Variants in NOVA1 observed in about 807,000 individuals in gnomAD.
The protein encoded by NOVA1 is NOVA alternative splicing regulator 1.
Under a neutral mutation model 38.0 loss-of-function variants are expected in NOVA1, and 7 were observed. The observed-to-expected ratio is 0.18, with a 90% CI of 0.10 to 0.35. The LOEUF is 0.35. Among genes scored for constraint, NOVA1 ranks in the 10% least tolerant of loss-of-function variants. NOVA1 has a pLI of 1.00. For missense variants in NOVA1, 460 were observed against 616.0 expected (o/e 0.75, Z 2.68); for synonymous variants, 270 against 232.5 (o/e 1.16, Z -1.47).
intron 2 of NOVA1, among the ~76,000 whole-genome samples, chr14:26,564,016 T>TA (rs1891981540): frequency 1.3e-5 from 2 of 152,078 alleles, no homozygotes; most frequent in Admixed American, 1.3e-4. Flanking sequence ...GATGAGAAAA[T>TA]AAAGTGTGTA....
chr14:26,560,621 G>C (rs1891762963), intron 2 of NOVA1, among the ~76,000 whole-genome samples: 1 of 152,042 alleles, frequency 6.6e-6, no homozygotes, highest in Non-Finnish European at 1.5e-5. Context: ...TTTGGGGATG[G>C]AATGTAAGGA....
At chr14:26,470,170 T>C (rs1884470043) in intron 4 of NOVA1, 1 of 861,138 alleles carries the variant, frequency 1.2e-6, no homozygotes, top group Non-Finnish European at 1.5e-6. Context: ...AGTCCATTAG[T>C]TCTTTTCATT....
intron 2 of NOVA1, among the ~76,000 whole-genome samples, chr14:26,494,656 T>C (rs1886621290): frequency 6.6e-6 from 1 of 152,200 alleles, no homozygotes; most frequent in African/African-American, 2.4e-5. Flanking sequence ...GTTGCTACTC[T>C]CTTCCCAGGA....
chr14:26,576,159 G>A (rs1030681754), intron 2 of NOVA1, among the ~76,000 whole-genome samples: 2 of 150,328 alleles, frequency 1.3e-5, no homozygotes, highest in South Asian at 2.1e-4. Flanking sequence ...CAATGTGTGT[G>A]TATATATATA....
intron 4 of NOVA1, among the ~76,000 whole-genome samples, chr14:26,456,953 A>C (rs1883230498): frequency 1.3e-5 from 2 of 148,410 alleles, no homozygotes; most frequent in South Asian, 4.2e-4. Context: ...ATACACACAC[A>C]CACAAATATA....
At chr14:26,504,495 G>A (rs903808413) in intron 2 of NOVA1, among the ~76,000 whole-genome samples, 10 of 152,080 alleles carry the variant, frequency 6.6e-5, no homozygotes, top group African/African-American at 2.4e-4. Flanking sequence ...TATCTCATTA[G>A]AACAAAACCT....
At chr14:26,567,290 A>ATTTTTT (rs372263187) in intron 2 of NOVA1, among the ~76,000 whole-genome samples, 14 of 93,722 alleles carry the variant, frequency 1.5e-4, no homozygotes, top group East Asian at 3.3e-4. Flanking sequence ...GTCTTGTTTA[A>ATTTTTT]TTTTTTTTTT....
intron 2 of NOVA1, among the ~76,000 whole-genome samples, chr14:26,506,364 C>T (rs1033937870): frequency 6.6e-6 from 1 of 152,174 alleles, no homozygotes; most frequent in Non-Finnish European, 1.5e-5. Flanking sequence ...GAAGTAAATT[C>T]AACCCTAGTA....
intron 2 of NOVA1, among the ~76,000 whole-genome samples, chr14:26,485,427 A>G (rs901000660): frequency 6.6e-6 from 1 of 152,170 alleles, no homozygotes; most frequent in Non-Finnish European, 1.5e-5. Flanking sequence ...GCACGTGGTA[A>G]AAGTTTTTTG....
At chr14:26,579,550 T>C (rs1455519084) in intron 2 of NOVA1, among the ~76,000 whole-genome samples, 1 of 152,200 alleles carries the variant, frequency 6.6e-6, no homozygotes, top group Admixed American at 6.5e-5. Flanking sequence ...GCAATAGTAT[T>C]ACATGAAACT....
chr14:26,484,513 T>C (rs1885731435), intron 2 of NOVA1, among the ~76,000 whole-genome samples: 1 of 148,106 alleles, frequency 6.8e-6, no homozygotes, highest in Non-Finnish European at 1.5e-5. Context: ...TTTAAAAACA[T>C]TTAAAAAATC....
At chr14:26,457,772 A>T (rs1440078534) in intron 4 of NOVA1, among the ~76,000 whole-genome samples, 1 of 152,142 alleles carries the variant, frequency 6.6e-6, no homozygotes, top group African/African-American at 2.4e-5. Flanking sequence ...AATCCAGAAG[A>T]ACACATTGTC....
intron 2 of NOVA1, among the ~76,000 whole-genome samples, chr14:26,508,350 T>C (rs978813942): frequency 6.6e-6 from 1 of 152,066 alleles, no homozygotes; most frequent in Non-Finnish European, 1.5e-5. Context: ...AGAGTAAGTA[T>C]GTTCTTGCTT....
At chr14:26,471,130 C>T (rs1438731307) in intron 4 of NOVA1, among the ~76,000 whole-genome samples, 1 of 151,924 alleles carries the variant, frequency 6.6e-6, no homozygotes, top group Non-Finnish European at 1.5e-5. Flanking sequence ...AAAATGTTTG[C>T]ATTATAAAAT....
At chr14:26,511,417 AC>A (rs1238788133) in intron 2 of NOVA1, among the ~76,000 whole-genome samples, 8 of 152,078 alleles carry the variant, frequency 5.3e-5, no homozygotes, top group Admixed American at 5.2e-4. Flanking sequence ...ATCGTTAAAC[AC>A]TCCTTAGATT....
chr14:26,516,570 T>C (rs1275379573), intron 2 of NOVA1, among the ~76,000 whole-genome samples: 4 of 152,210 alleles, frequency 2.6e-5, no homozygotes, highest in African/African-American at 4.8e-5. Flanking sequence ...AAGATACAAA[T>C]TTGTTTACAT....
At chr14:26,532,558 G>C (rs55845836) in intron 2 of NOVA1, among the ~76,000 whole-genome samples, 27,246 of 152,154 alleles carry the variant, frequency 0.18, 2,669 homozygotes, top group East Asian at 0.33. Context: ...AGGATGGATG[G>C]GAAGGATGGT....
chr14:26,509,624 T>C (rs1356435361), intron 2 of NOVA1, among the ~76,000 whole-genome samples: 3 of 152,176 alleles, frequency 2.0e-5, no homozygotes, highest in Non-Finnish European at 4.4e-5. Context: ...ATTCTCTAGA[T>C]GTAAAGATGG....
intron 1 of NOVA1, chr14:26,596,468 C>T: frequency 9.1e-7 from 1 of 1,100,052 alleles, no homozygotes; most frequent in Non-Finnish European, 1.2e-6. Flanking sequence ...GGAGACACCC[C>T]GGTAAATCCA....
Sources: gnomAD v4.1 joint callset for allele counts (sites outside exome capture counted in the v4.1 genomes callset) on GRCh38, gnomAD v4.1.1 for gene constraint, MANE v1.5 for transcripts, NCBI Gene and HGNC (gene_info 2026-07-23, HGNC 2026-07-21) for gene names.